ATP8A1: variants seen among roughly 807,000 people sequenced by gnomAD.
ATP8A1 encodes phospholipid-transporting ATPase IA.
ATP8A1 carries 90 observed loss-of-function variants against 177.7 expected under a neutral mutation model. The observed-to-expected ratio is 0.51, with a 90% confidence interval of 0.43 to 0.60. The LOEUF (loss-of-function observed/expected upper bound fraction) is 0.60. Ranked by LOEUF, ATP8A1 falls within the 20% of genes least tolerant of loss-of-function variation. ATP8A1 has a pLI of 0.00. For missense variants in ATP8A1, 1,072 were observed against 1,392.8 expected (o/e 0.77, Z 3.67); for synonymous variants, 493 against 485.9 (o/e 1.01, Z -0.19).
chr4:42,435,450 CAAAAAA>C (rs11306070), intron 33 of ATP8A1, among the ~76,000 whole-genome samples: 1,388 of 116,576 alleles, frequency 0.012, 13 homozygotes, highest in Middle Eastern at 0.047. Flanking sequence ...AAAAAAAAAA[CAAAAAA>C]AAAAAAACAA....
chr4:42,580,969 C>T (rs1380641287), intron 10 of ATP8A1, among the ~76,000 whole-genome samples: 2 of 152,114 alleles, frequency 1.3e-5, no homozygotes, highest in Non-Finnish European at 2.9e-5. Context: ...ATTAAAATTA[C>T]AAGACAAATG....
chr4:42,472,497 C>T (rs906417795), intron 25 of ATP8A1: 4 of 267,440 alleles, frequency 1.5e-5, no homozygotes, highest in African/African-American at 9.1e-5. Flanking sequence ...GCCTGTAATC[C>T]CAGCACTTTG....
chr4:42,537,087 G>A (rs188603778), intron 20 of ATP8A1, among the ~76,000 whole-genome samples: 1,514 of 150,536 alleles, frequency 0.01, 20 homozygotes, highest in African/African-American at 0.035. Flanking sequence ...AGCCGAGATC[G>A]TGCCATTGCA....
intron 4 of ATP8A1, among the ~76,000 whole-genome samples, chr4:42,616,610 A>G (rs1173005745): frequency 6.6e-6 from 1 of 152,218 alleles, no homozygotes; most frequent in African/African-American, 2.4e-5. Context: ...TACCACTGGC[A>G]TACAGTCTCC....
At chr4:42,623,731 A>G (rs1420443897) in intron 4 of ATP8A1, among the ~76,000 whole-genome samples, 1 of 152,168 alleles carries the variant, frequency 6.6e-6, no homozygotes, top group African/African-American at 2.4e-5. Flanking sequence ...GGATCAGGAA[A>G]AATAACTAAA....
At chr4:42,458,756 T>C (rs73235573) in intron 27 of ATP8A1, among the ~76,000 whole-genome samples, 83 of 152,360 alleles carry the variant, frequency 5.4e-4, no homozygotes, top group Non-Finnish European at 1.0e-3. Context: ...ATTTCAGACC[T>C]GCTTCTCCTG....
At chr4:42,482,322 C>T (rs1471616882) in intron 25 of ATP8A1, among the ~76,000 whole-genome samples, 1 of 72,174 alleles carries the variant, frequency 1.4e-5, no homozygotes, top group Non-Finnish European at 3.6e-5. Flanking sequence ...AAAAAACAAA[C>T]AAACAAACAA....
intron 5 of ATP8A1, among the ~76,000 whole-genome samples, chr4:42,609,739 A>G (rs28646070): frequency 0.23 from 34,150 of 151,658 alleles, 4,325 homozygotes; most frequent in Non-Finnish European, 0.29. Flanking sequence ...ACTTGACACA[A>G]CCTGTCCCCC....
intron 18 of ATP8A1, among the ~76,000 whole-genome samples, chr4:42,550,712 A>G (rs997619508): frequency 5.3e-5 from 8 of 152,196 alleles, no homozygotes; most frequent in African/African-American, 1.7e-4. Flanking sequence ...TGGGAGAATC[A>G]CTTGGGTAGG....
intron 15 of ATP8A1, among the ~76,000 whole-genome samples, chr4:42,566,214 GTTTT>G (rs1349589398): frequency 6.6e-6 from 1 of 152,106 alleles, no homozygotes; most frequent in Non-Finnish European, 1.5e-5. Flanking sequence ...AGGTAATTAT[GTTTT>G]TTTAATTTGG....
chr4:42,421,000 C>T (rs1713851050), intron 35 of ATP8A1, among the ~76,000 whole-genome samples: 1 of 152,054 alleles, frequency 6.6e-6, no homozygotes, highest in African/African-American at 2.4e-5. Context: ...GATCTCCTGA[C>T]CTCGTGATCT....
At chr4:42,419,569 G>A (rs1472171889) in intron 35 of ATP8A1, among the ~76,000 whole-genome samples, 2 of 152,114 alleles carry the variant, frequency 1.3e-5, no homozygotes, top group African/African-American at 4.8e-5. Context: ...CTGTAAGAAG[G>A]GGCTCCCAAA....
At chr4:42,528,891 C>T (rs557723251) in intron 20 of ATP8A1, among the ~76,000 whole-genome samples, 5 of 152,124 alleles carry the variant, frequency 3.3e-5, no homozygotes, top group African/African-American at 1.2e-4. Context: ...AATTAAGGGA[C>T]CTTCTACCCC....
At position 42,415,722 on chromosome 4, in the gene ATP8A1, C is replaced by A. The variant is rs536655692; in HGVS notation, c.3306-1004G>T. On this transcript the variant is annotated intron_variant, in intron 35 of 36. Transcript: ENST00000381668. Reference sequence around the variant, plus strand: ...TGAAAAATTTCCATCTTGTGTTTTTCCCACTATAAAAGCTTTAGTTAAATT... The same window carrying A: ...TGAAAAATTTCCATCTTGTGTTTTTACCACTATAAAAGCTTTAGTTAAATT... Among the ~76,000 whole-genome samples the A allele has an allele frequency of 5.9e-5, 9 of 152,196 alleles. No homozygotes were observed. The South Asian group carries it at 1.9e-3, about 32-fold the overall frequency.
chr4:42,440,159 C>T (rs776599805), intron 33 of ATP8A1, among the ~76,000 whole-genome samples: 1 of 152,286 alleles, frequency 6.6e-6, no homozygotes, highest in Non-Finnish European at 1.5e-5. Flanking sequence ...GCTCTGCCCT[C>T]AAACTGTATT....
intron 4 of ATP8A1, among the ~76,000 whole-genome samples, chr4:42,623,023 A>AAAAAAAAC (rs1737657080): frequency 1.3e-5 from 2 of 151,822 alleles, no homozygotes; most frequent in Admixed American, 1.3e-4. Flanking sequence ...AAAAAAAAAA[A>AAAAAAAAC]AGGTGGGCAA....
chr4:42,487,338 T>C (rs1180984962), intron 24 of ATP8A1, among the ~76,000 whole-genome samples: 1 of 152,120 alleles, frequency 6.6e-6, no homozygotes, highest in African/African-American at 2.4e-5. Flanking sequence ...TACATTTAGT[T>C]TTTCTCCCCA....
intron 2 of ATP8A1, 99 bp from the exon 3 acceptor site, chr4:42,625,812 C>CT: frequency 1.7e-6 from 1 of 576,054 alleles, no homozygotes. Flanking sequence ...AGATAAGGAA[C>CT]ATTTGCCGGC....
intron 20 of ATP8A1, among the ~76,000 whole-genome samples, chr4:42,529,254 T>A (rs1727010430): frequency 6.6e-6 from 1 of 152,110 alleles, no homozygotes. Context: ...CAGGCCCCCA[T>A]AGGTGAATCA....
Sources: allele counts gnomAD v4.1 joint callset (sites outside exome capture counted in the v4.1 genomes callset), GRCh38; gene constraint gnomAD v4.1.1; transcripts MANE v1.5; gene names NCBI Gene and HGNC (gene_info 2026-07-23, HGNC 2026-07-21).